Variants in TRIM36 observed in about 807,000 individuals in gnomAD.
TRIM36 encodes tripartite motif containing 36, also known as E3 ubiquitin-protein ligase TRIM36.
TRIM36 carries 42 observed loss-of-function variants against 72.4 expected under a neutral mutation model. The observed-to-expected ratio is 0.58, with a 90% CI of 0.45 to 0.75. TRIM36 has a LOEUF of 0.75. TRIM36 is among the 30% of genes least tolerant of loss of function. The probability of loss-of-function intolerance (pLI) is 0.00; values close to 1 mark genes in which losing one functional copy is unlikely to be tolerated. For synonymous variants in TRIM36, 315 were observed against 282.8 expected, an observed-to-expected ratio of 1.11 and a Z score of -1.14; for missense variants, 913 against 857.1, an observed-to-expected ratio of 1.07 and a Z score of -0.81.
In TRIM36 at chr5:115,126,519, T is replaced by C; in HGVS notation, c.2135A>G (p.Tyr712Cys). ...ATGTTTCAACTACATGTCCTCTTGG[T>C]ATTCCAGATATTTTGCTGTGATGGG... The part of the protein sequence containing the change: ...EEPITAKYLE[Y>C]QEDM The change falls in exon 10 of 10, where the codon TAC becomes TGC. Residue 712 changes from tyrosine (Y) to cysteine (C), a missense_variant. Transcript: ENST00000513154. The C allele has an allele frequency of 6.2e-7, 1 of 1,607,874 alleles. No individual in the cohort carries two copies. Among genetic ancestry groups the C allele is most frequent in the Non-Finnish European group, 8.5e-7 (1 of 1,174,806 alleles).
intron 1 of TRIM36, chr5:115,179,857 G>T: frequency 2.0e-6 from 2 of 980,866 alleles, no homozygotes; most frequent in South Asian, 1.6e-5. Context: ...CGCGGCTCCT[G>T]GATTCCAGCC....
chr5:115,159,325 T>A (rs1468103919), intron 2 of TRIM36, among the ~76,000 whole-genome samples: 2 of 152,252 alleles, frequency 1.3e-5, no homozygotes, highest in African/African-American at 2.4e-5. Context: ...CTTTGTTCAC[T>A]AAGTAAATGT....
intron 1 of TRIM36, among the ~76,000 whole-genome samples, chr5:115,164,978 T>A (rs1754683704): frequency 6.6e-6 from 1 of 152,184 alleles, no homozygotes; most frequent in Admixed American, 6.5e-5. Flanking sequence ...CCCATGAAAG[T>A]CTGAAACCCA....
At chr5:115,165,118 A>G (rs1754690913) in intron 1 of TRIM36, among the ~76,000 whole-genome samples, 2 of 152,334 alleles carry the variant, frequency 1.3e-5, no homozygotes, top group South Asian at 4.1e-4. Flanking sequence ...GTGGCTTTGC[A>G]GGGTACAGCC....
chr5:115,169,537 G>A lies in TRIM36; in HGVS notation c.27+71C>T, dbSNP rs565257401. ...AGGAGGCTCCCTCCGGGCTCCCGGC[G>A]GAGGAAAGAGAAAGAGCCGCGGTCG... is the stretch of plus-strand genomic sequence containing the variant. On this transcript the variant is annotated intron_variant, in intron 1 of 9. Coordinates refer to ENST00000513154, the MANE Select transcript of TRIM36 (RefSeq NM_001300759.2). 1.3e-5 allele frequency: 19 copies of A among 1,461,468 alleles called. No individual in the cohort carries two copies. The Admixed American group carries it at 1.7e-4, about 13-fold the overall frequency. The allele number at this position is 1,461,468 out of a possible 1,614,324, so 90.5% of individuals were successfully genotyped here.
chr5:115,143,895 G>A (rs1004950520), intron 4 of TRIM36, among the ~76,000 whole-genome samples: 2 of 151,958 alleles, frequency 1.3e-5, no homozygotes, highest in East Asian at 1.9e-4. Flanking sequence ...TTTTGAGACA[G>A]AGTCTCACTC....
In TRIM36 at chr5:115,126,683, G is replaced by A. The variant is rs1350976753; in HGVS notation, c.1971C>T (p.Phe657=). ...VLPMPTSIGI[F]LDCDKGKVDF... is the part of the protein sequence containing the mutation. ...CTACTTTGCCTTTATCACAGTCAAG[G>A]AAAATCCCAATACTTGTTGGCATAG... Residue 657 remains phenylalanine (F), a synonymous_variant, in exon 10 of 10, where the codon TTC becomes TTT. Transcript: ENST00000513154. The A allele has an allele frequency of 4.3e-6, 7 of 1,614,026 alleles. No homozygotes were observed. The highest frequency in any genetic ancestry group is 1.7e-5 in the Admixed American group (1 of 59,994).
At chr5:115,169,338 C>G (rs554070565) in intron 1 of TRIM36, among the ~76,000 whole-genome samples, 1 of 152,376 alleles carries the variant, frequency 6.6e-6, no homozygotes, top group South Asian at 2.1e-4. Context: ...CCATGATTCC[C>G]CCGAGGTGCT....
intron 2 of TRIM36, among the ~76,000 whole-genome samples, chr5:115,154,208 G>A (rs1754044424): frequency 6.7e-6 from 1 of 150,142 alleles, no homozygotes; most frequent in South Asian, 2.1e-4. Flanking sequence ...AAAGTTCACA[G>A]CCCTAAACGC....
At chr5:115,169,952 G>C (rs1755018936), upstream of TRIM36, 1 of 1,222,460 alleles carries the variant, frequency 8.2e-7, no homozygotes. Flanking sequence ...GGGCACCGCG[G>C]GGCGTGGACA....
chr5:115,173,481 G>T (rs1444502408), upstream of TRIM36, among the ~76,000 whole-genome samples: 1 of 151,946 alleles, frequency 6.6e-6, no homozygotes, highest in Non-Finnish European at 1.5e-5. Flanking sequence ...CTTGGTATTG[G>T]AACATAAGGG....
intron 8 of TRIM36, among the ~76,000 whole-genome samples, chr5:115,133,413 C>T (rs1203137135): frequency 3.3e-5 from 5 of 151,664 alleles, no homozygotes; most frequent in Non-Finnish European, 5.9e-5. Context: ...CTGAGAAGTG[C>T]CTAGTTAGAT....
At chr5:115,166,141 T>TGGGGGATA (rs1361631489) in intron 1 of TRIM36, among the ~76,000 whole-genome samples, 3 of 152,134 alleles carry the variant, frequency 2.0e-5, no homozygotes, top group African/African-American at 7.2e-5. Context: ...GACAGGTCCC[T>TGGGGGATA]GCTGAAACCC....
chr5:115,137,507 T>C lies in TRIM36; in HGVS notation c.941A>G (p.Lys314Arg), dbSNP rs772396573. 5 of 1,614,164 alleles carry C rather than the reference T, an allele frequency of 3.1e-6. No homozygotes were observed. The highest frequency in any genetic ancestry group is 4.2e-6 in the Non-Finnish European group (5 of 1,180,012). ...AGTCTGAAATTTGTCTAATCTTAGT[T>C]TCTTAGAGGAGTCAATTGCTTTCAA... ...SVLKAIDSSK[K>R]LRLDKFQTQM... The change falls in exon 6 of 10, where the codon AAA becomes AGA. Residue 314 changes from lysine to arginine, a missense_variant. By Grantham distance (26) the Lys-to-Arg change is conservative (BLOSUM62 2). Transcript: ENST00000513154.
At chr5:115,147,015 G>C (rs375482192) in intron 3 of TRIM36, 54 bp downstream of exon 3, 1 of 1,446,738 alleles carries the variant, frequency 6.9e-7, no homozygotes, top group Non-Finnish European at 9.3e-7. Context: ...GTACATAAAA[G>C]TTTCATAACA....
In TRIM36 at chr5:115,169,597, T is replaced by A; in HGVS notation, c.27+11A>T. The A allele has an allele frequency of 6.6e-7, 1 of 1,520,726 alleles. No individual in the cohort carries two copies. The highest frequency in any genetic ancestry group is 8.8e-7 in the Non-Finnish European group (1 of 1,139,884). 94.2% of individuals were successfully genotyped at this position (1,520,726 alleles called of 1,614,324 possible). On this transcript the variant is annotated intron_variant, in intron 1 of 9. Coordinates refer to ENST00000513154, the MANE Select transcript of TRIM36 (RefSeq NM_001300759.2). The stretch of plus-strand genomic sequence containing the variant: ...CCTCGAGGTGGGGGCGGCGGTCCCC[T>A]CCGCACTCACCGGCGAATCTGAGCC...
At position 115,162,956 on chromosome 5, in the gene TRIM36, T is replaced by TA. The variant is rs1439038403; in HGVS notation, c.262+561dup. On this transcript the variant is annotated intron_variant, in intron 2 of 9. Transcript: ENST00000513154. ...TCAGAATAATTCCTAAAGACAAACA[T>TA]AGCTTTTTTTTTTTTTTTGAGACAG... is the stretch of plus-strand genomic sequence containing the variant. Among the ~76,000 whole-genome samples the TA allele has an allele frequency of 3.3e-5, 5 of 150,626 alleles. No homozygotes were observed. The East Asian group carries it at 9.7e-4, about 29-fold the overall frequency.
chr5:115,160,831 C>A (rs531115794), intron 2 of TRIM36, among the ~76,000 whole-genome samples: 98 of 152,192 alleles, frequency 6.4e-4, no homozygotes, highest in African/African-American at 2.2e-3. Flanking sequence ...AGGTAACAAA[C>A]AGAGTGAGAC....
chr5:115,171,486 C>T (rs1755115896), upstream of TRIM36, among the ~76,000 whole-genome samples: 1 of 152,112 alleles, frequency 6.6e-6, no homozygotes, highest in Admixed American at 6.5e-5. Flanking sequence ...TATATATATA[C>T]ATATATTTAA....
Sources: allele counts gnomAD v4.1 joint callset (sites outside exome capture counted in the v4.1 genomes callset), GRCh38; gene constraint gnomAD v4.1.1; transcripts MANE v1.5; gene names NCBI Gene and HGNC (gene_info 2026-07-23, HGNC 2026-07-21).